The following TOP2B variants were observed in gnomAD, a reference collection of about 807,000 sequenced individuals.
TOP2B encodes DNA topoisomerase 2-beta.
TOP2B carries 51 observed loss-of-function variants against 193.5 expected under a neutral mutation model. The ratio of observed to expected loss-of-function variants is 0.26; its 90% confidence interval spans 0.21 to 0.33. The LOEUF (loss-of-function observed/expected upper bound fraction) is 0.33. Among genes scored for constraint, TOP2B ranks in the 10% least tolerant of loss-of-function variants. TOP2B has a pLI of 1.00. For missense variants in TOP2B, 1,378 were observed against 1,909.3 expected (o/e 0.72, Z 5.19); for synonymous variants, 634 against 635.7 (o/e 1.00, Z 0.04).
chr3:25,616,332 T>C (rs565261959), intron 25 of TOP2B, among the ~76,000 whole-genome samples: 1 of 151,580 alleles, frequency 6.6e-6, no homozygotes, highest in East Asian at 1.9e-4. Flanking sequence ...TAAAATTTTA[T>C]CTAAGTTGTT....
intron 24 of TOP2B, 48 bp from the exon 25 acceptor site, chr3:25,618,557 T>G: frequency 6.4e-7 from 1 of 1,555,892 alleles, no homozygotes; most frequent in Non-Finnish European, 8.8e-7. Flanking sequence ...AGATTCAATT[T>G]GTATTTGCTT....
intron 5 of TOP2B, 108 bp from the exon 6 acceptor site, chr3:25,637,420 A>T: frequency 1.5e-6 from 1 of 668,384 alleles, no homozygotes; most frequent in South Asian, 1.9e-5. Flanking sequence ...CACTAACTGC[A>T]TTACCAATCA....
intron 1 of TOP2B, among the ~76,000 whole-genome samples, chr3:25,663,602 G>A (rs1373649013): frequency 6.6e-6 from 1 of 152,166 alleles, no homozygotes; most frequent in Non-Finnish European, 1.5e-5. Flanking sequence ...CTGCGATGCT[G>A]ACGTAGACAA....
chr3:25,660,160 T>C (rs1703867680), intron 1 of TOP2B, among the ~76,000 whole-genome samples: 1 of 152,194 alleles, frequency 6.6e-6, no homozygotes, highest in Non-Finnish European at 1.5e-5. Context: ...CTATATCATG[T>C]ACTTGAGAAT....
chr3:25,619,173 GA>G (rs1702590209), intron 23 of TOP2B, among the ~76,000 whole-genome samples: 1 of 152,062 alleles, frequency 6.6e-6, no homozygotes, highest in Admixed American at 6.6e-5. Flanking sequence ...TCCCCAAACT[GA>G]AAACATACAT....
At chr3:25,649,709 T>G (rs1405780310) in intron 1 of TOP2B, among the ~76,000 whole-genome samples, 1 of 151,492 alleles carries the variant, frequency 6.6e-6, no homozygotes. Context: ...AAACAAACAC[T>G]GGGACAGTTC....
chr3:25,620,220 C>T (rs1702623071), intron 22 of TOP2B, among the ~76,000 whole-genome samples, 158 bp from the exon 23 acceptor site: 1 of 151,602 alleles, frequency 6.6e-6, no homozygotes, highest in Admixed American at 6.6e-5. Flanking sequence ...GAAGGCAATA[C>T]ACAGGGATCT....
At chr3:25,645,134 A>G (rs1214343946) in intron 2 of TOP2B, among the ~76,000 whole-genome samples, 166 bp downstream of exon 2, 1 of 152,120 alleles carries the variant, frequency 6.6e-6, no homozygotes, top group Non-Finnish European at 1.5e-5. Flanking sequence ...TTAATCCCCA[A>G]AAAGAAGTAA....
rs1701991872 is a variant in TOP2B, at chr3:25,598,519, T to TAA, written c.4711-44_4711-43dup. 2.0e-6 allele frequency: 3 copies of TAA among 1,464,588 alleles called. No individual in the cohort carries two copies. In the African/African-American group the frequency reaches 4.3e-5, roughly 21 times the overall value. The allele number at this position is 1,464,588 out of a possible 1,614,324, so 90.7% of individuals were successfully genotyped here. ...TAGATTTAAAAGTTATGAAAGGAAGTAAAGACTAGTATTAAGAACTATCAC... is the reference window on the plus strand; with the variant it reads ...TAGATTTAAAAGTTATGAAAGGAAGTAAAAAGACTAGTATTAAGAACTATCAC... On this transcript the variant is annotated intron_variant, in intron 35 of 35. Coordinates refer to ENST00000264331, the MANE Select transcript of TOP2B (RefSeq NM_001330700.2).
intron 34 of TOP2B, among the ~76,000 whole-genome samples, chr3:25,600,750 A>C (rs1421377925): frequency 2.6e-5 from 4 of 152,246 alleles, no homozygotes; most frequent in African/African-American, 9.6e-5. Flanking sequence ...AGAGTCCTGG[A>C]TCTAGCCCAT....
At chr3:25,632,047 A>G (rs1702974918) in intron 10 of TOP2B, among the ~76,000 whole-genome samples, 1 of 152,094 alleles carries the variant, frequency 6.6e-6, no homozygotes, top group South Asian at 2.1e-4. Context: ...ACATGTAGAA[A>G]ATAGTACATT....
intron 1 of TOP2B, among the ~76,000 whole-genome samples, chr3:25,653,112 A>G (rs898102515): frequency 2.6e-5 from 4 of 152,214 alleles, no homozygotes; most frequent in Non-Finnish European, 5.9e-5. Flanking sequence ...CAACAGCCCT[A>G]TAACAAATAA....
rs370224933 is a variant in TOP2B, at chr3:25,610,464, A to T, written c.3787-752T>A. Among the ~76,000 whole-genome samples the T allele has an allele frequency of 3.9e-5, 6 of 152,332 alleles. No individual in the cohort carries two copies. The East Asian group carries it at 7.7e-4, about 20-fold the overall frequency. On this transcript the variant is annotated intron_variant, in intron 28 of 35. Coordinates refer to ENST00000264331, the MANE Select transcript of TOP2B (RefSeq NM_001330700.2). ...CTTTTCTGACTGAGTTCTAAAGGAA[A>T]CACATAGGTTTGCCAGGTGGGAATT...
Position 25,598,073 on chromosome 3 carries a change from G to GCAGTCTATAACAATT in TOP2B, c.*219_*233dup, listed in dbSNP as rs1575556232. 4.6e-5 allele frequency: 15 copies of GCAGTCTATAACAATT among 328,212 alleles called. No homozygotes were observed. In the East Asian group the frequency reaches 7.6e-4, roughly 17 times the overall value. 20.3% of individuals were successfully genotyped at this position (328,212 alleles called of 1,614,324 possible). On this transcript the variant is annotated 3_prime_UTR_variant, in exon 36 of 36. Transcript: ENST00000264331. ...CAATTAAAATCTGTGCTAATGCACGGCAGTCTATAACAATTCTACAAGCCA... is the reference window on the plus strand; with the variant it reads ...CAATTAAAATCTGTGCTAATGCACGGCAGTCTATAACAATTCAGTCTATAACAATTCTACAAGCCA...
chr3:25,664,884 T>A lies in TOP2B; in HGVS notation c.-587A>T. ...GCCGCCGCCACGGTCACCTCCCTCT[T>A]GTCCGGCATAACACCGCACACACAC... On this transcript the variant is annotated 5_prime_UTR_variant, in exon 1 of 36. An upstream open reading frame in the 5' UTR gains an earlier in-frame stop. Transcript: ENST00000264331. 1.0e-6 allele frequency: 1 copy of A among 991,210 alleles called. No homozygotes were observed. The highest frequency in any genetic ancestry group is 1.2e-6 in the Non-Finnish European group (1 of 833,230). The allele number at this position is 991,210 out of a possible 1,614,324, so 61.4% of individuals were successfully genotyped here. A position where few individuals can be genotyped will look rare whatever the true frequency, so the allele number is the denominator to read the frequency against.
intron 35 of TOP2B, among the ~76,000 whole-genome samples, chr3:25,598,902 C>T (rs144482601): frequency 5.3e-5 from 8 of 152,184 alleles, no homozygotes; most frequent in Admixed American, 2.0e-4. Context: ...AAAGCATCAC[C>T]GAGGTGGACC....
At chr3:25,612,425 G>A (rs1702396443) in intron 28 of TOP2B, 90 bp downstream of exon 28, 1 of 939,470 alleles carries the variant, frequency 1.1e-6, no homozygotes, top group South Asian at 2.3e-5. Context: ...ATAAAACAAA[G>A]CATGATTTAA....
In TOP2B at chr3:25,632,682, A is replaced by G; in HGVS notation, c.1128+11T>C. On this transcript the variant is annotated intron_variant, in intron 9 of 35. Transcript: ENST00000264331. ...GTATGCATCATGTACAATATATAAC[A>G]CATCCCTTACTTGAAATGGTTTCAC... 1.9e-6 allele frequency: 3 copies of G among 1,609,660 alleles called. No individual in the cohort carries two copies. The highest frequency in any genetic ancestry group is 1.1e-5 in the South Asian group (1 of 90,934).
At chr3:25,631,189 T>A (rs1702946166) in intron 10 of TOP2B, among the ~76,000 whole-genome samples, 2 of 152,028 alleles carry the variant, frequency 1.3e-5, no homozygotes, top group Admixed American at 6.6e-5. Context: ...TATAATAAAC[T>A]CCATGAGGAA....
Sources: gnomAD v4.1 joint callset for allele counts (sites outside exome capture counted in the v4.1 genomes callset) on GRCh38, gnomAD v4.1.1 for gene constraint, MANE v1.5 for transcripts, NCBI Gene and HGNC (gene_info 2026-07-23, HGNC 2026-07-21) for gene names.